The following CPED1 variants were observed in gnomAD, a reference collection of about 807,000 sequenced individuals.
CPED1 encodes cadherin like and PC-esterase domain containing 1, also known as cadherin-like and PC-esterase domain-containing protein 1.
CPED1 carries 114 observed loss-of-function variants against 128.2 expected under a neutral mutation model. The ratio of observed to expected loss-of-function variants is 0.89; its 90% CI spans 0.76 to 1.04. The LOEUF is 1.04. Ranked by LOEUF, CPED1 falls within the 50% of genes least tolerant of loss-of-function variation. The pLI, the probability that CPED1 is intolerant of heterozygous loss-of-function variation, is 0.00. For synonymous variants in CPED1, 462 were observed against 426.7 expected (o/e 1.08, Z -1.02); for missense variants, 1,211 against 1,207.1 (o/e 1.00, Z -0.05).
chr7:121,124,259 T>A (rs1187533743), intron 7 of CPED1, 72 bp from the exon 8 acceptor site: 1 of 1,392,692 alleles, frequency 7.2e-7, no homozygotes, highest in African/African-American at 1.4e-5. Flanking sequence ...ATCCTTCAAA[T>A]TGGTCACCTT....
chr7:121,252,074 C>T (rs1376043307), intron 18 of CPED1, among the ~76,000 whole-genome samples: 1 of 151,416 alleles, frequency 6.6e-6, no homozygotes, highest in Non-Finnish European at 1.5e-5. Flanking sequence ...TACTACAAGG[C>T]TACAGTAACC....
In CPED1 at chr7:121,295,914, A is replaced by G. The variant is rs893224240; in HGVS notation, c.*262A>G. The G allele has an allele frequency of 1.2e-5, 4 of 343,240 alleles. No homozygotes were observed. The highest frequency in any genetic ancestry group is 2.1e-5 in the Non-Finnish European group (4 of 186,680). The allele number at this position is 343,240 out of a possible 1,614,324, so 21.3% of individuals were successfully genotyped here. ...CTAGAGAAACGTTACTTGAAGCATA[A>G]TTATTAACCAGAACCACTGTGGGCC... On this transcript the variant is annotated 3_prime_UTR_variant, in exon 23 of 23. Transcript: ENST00000310396.
At chr7:121,178,953 A>G (rs1382933081) in intron 16 of CPED1, among the ~76,000 whole-genome samples, 3 of 152,082 alleles carry the variant, frequency 2.0e-5, no homozygotes, top group Non-Finnish European at 4.4e-5. Context: ...GATGCAGCAA[A>G]GAGGTCCAAG....
rs770598614 is a variant in CPED1 at position 121,130,286 on chromosome 7, A to G, written c.1569A>G (p.Pro523=). 32 of 1,597,748 alleles carry G rather than the reference A, an allele frequency of 2.0e-5. No individual in the cohort carries two copies. Among genetic ancestry groups the G allele is most frequent in the Non-Finnish European group, 2.6e-5 (30 of 1,174,458 alleles). ...QFMNKKTQPH[P]LEWNSFTEDK... ...TGAATAAAAAGACACAGCCACATCC[A>G]CTGGAATGGTAAGATAGCCACAAAT... Residue 523 remains proline, a synonymous_variant, in exon 12 of 23, where the codon CCA becomes CCG. Coordinates refer to ENST00000310396, the MANE Select transcript of CPED1 (RefSeq NM_024913.5).
At chr7:121,185,667 A>G (rs569924530) in intron 16 of CPED1, among the ~76,000 whole-genome samples, 4 of 152,294 alleles carry the variant, frequency 2.6e-5, no homozygotes, top group East Asian at 3.9e-4. Context: ...ACAAAGCACT[A>G]TAATTCGGGA....
At chr7:121,107,611 G>C (rs919114977) in intron 7 of CPED1, among the ~76,000 whole-genome samples, 1 of 152,080 alleles carries the variant, frequency 6.6e-6, no homozygotes, top group Non-Finnish European at 1.5e-5. Flanking sequence ...AGTAATAACA[G>C]TGAAAATAAT....
At chr7:121,097,363 C>T (rs949499689) in intron 5 of CPED1, among the ~76,000 whole-genome samples, 6 of 152,108 alleles carry the variant, frequency 3.9e-5, no homozygotes, top group African/African-American at 1.4e-4. Context: ...GCAGCCACCA[C>T]CCCCTCATTG....
At chr7:121,095,188 T>G (rs1714442001) in intron 5 of CPED1, among the ~76,000 whole-genome samples, 1 of 152,096 alleles carries the variant, frequency 6.6e-6, no homozygotes, top group Admixed American at 6.6e-5. Context: ...ATTTCTAGGC[T>G]CTTTGAGTGT....
intron 5 of CPED1, among the ~76,000 whole-genome samples, chr7:121,084,253 T>A (rs1290710828): frequency 6.6e-6 from 1 of 152,232 alleles, no homozygotes; most frequent in Non-Finnish European, 1.5e-5. Context: ...TGACACCTGG[T>A]TGATCCAGAA....
intron 16 of CPED1, among the ~76,000 whole-genome samples, chr7:121,175,081 A>G (rs1796744727): frequency 6.6e-6 from 1 of 152,114 alleles, no homozygotes; most frequent in South Asian, 2.1e-4. Flanking sequence ...GTATCCCAAG[A>G]CTTTGTTGAA....
At chr7:121,252,044 C>T (rs540889241) in intron 18 of CPED1, among the ~76,000 whole-genome samples, 223 of 151,350 alleles carry the variant, frequency 1.5e-3, no homozygotes, top group African/African-American at 5.1e-3. Flanking sequence ...GGAGGCATCA[C>T]GCTACCTGAC....
chr7:121,078,726 A>T (rs1794204212), intron 5 of CPED1, among the ~76,000 whole-genome samples: 1 of 152,148 alleles, frequency 6.6e-6, no homozygotes, highest in South Asian at 2.1e-4. Context: ...GGAGACCAAC[A>T]TGTGTCAACA....
Position 121,296,084 on chromosome 7 carries a change from G to A in CPED1, c.*432G>A, listed in dbSNP as rs937425224. On this transcript the variant is annotated 3_prime_UTR_variant, in exon 23 of 23. Coordinates refer to ENST00000310396, the MANE Select transcript of CPED1 (RefSeq NM_024913.5). ...AAAACCAATGACATTCCACTGGCAA[G>A]TAGAAGTTGTCCTTTCATTCTTTAC... is the stretch of plus-strand genomic sequence containing the variant. The A allele has an allele frequency of 1.3e-5, 2 of 153,778 alleles. No individual in the cohort carries two copies. Among genetic ancestry groups the A allele is most frequent in the African/African-American group, 4.8e-5 (2 of 41,466 alleles). The allele number at this position is 153,778 out of a possible 1,614,324, so 9.5% of individuals were successfully genotyped here.
At chr7:121,244,437 C>T in intron 18 of CPED1, 99 bp downstream of exon 18, 2 of 1,299,184 alleles carry the variant, frequency 1.5e-6, no homozygotes, top group Non-Finnish European at 2.2e-6. Context: ...TGCTGTCTCA[C>T]AGCAGAGGAA....
At chr7:121,000,833 A>G (rs1202124552) in intron 2 of CPED1, among the ~76,000 whole-genome samples, 1 of 152,184 alleles carries the variant, frequency 6.6e-6, no homozygotes, top group Non-Finnish European at 1.5e-5. Flanking sequence ...GCTATAGGAC[A>G]ACTGGTAAAT....
intron 18 of CPED1, among the ~76,000 whole-genome samples, chr7:121,256,883 C>T (rs1003533864): frequency 3.9e-5 from 6 of 151,960 alleles, no homozygotes; most frequent in Non-Finnish European, 8.8e-5. Flanking sequence ...TGGAATACTA[C>T]ACAGTCATAA....
intron 16 of CPED1, among the ~76,000 whole-genome samples, chr7:121,184,007 G>A (rs1563057635): frequency 6.6e-6 from 1 of 152,060 alleles, no homozygotes; most frequent in Non-Finnish European, 1.5e-5. Flanking sequence ...AGTCATGGTG[G>A]CACATGCCTG....
In CPED1 at chr7:121,128,393, T is replaced by C; in HGVS notation, c.1314T>C (p.Tyr438=). The C allele has an allele frequency of 6.3e-7, 1 of 1,581,192 alleles. No homozygotes were observed. Among genetic ancestry groups the C allele is most frequent in the South Asian group, 1.1e-5 (1 of 90,354 alleles). The change falls in exon 11 of 23, where the codon TAT becomes TAC. Residue 438 remains tyrosine, a synonymous_variant. Coordinates refer to ENST00000310396, the MANE Select transcript of CPED1 (RefSeq NM_024913.5). ...CCCTACCAATACAGGGTGAAAACTA[T>C]CAAAAGGAACTAAATCAGTGTCTGT... ...YRSDVFKGEN[Y]QKELNQCLSL...
chr7:121,124,587 AT>A, intron 8 of CPED1, 114 bp downstream of exon 8: 1 of 720,312 alleles, frequency 1.4e-6, no homozygotes, highest in Non-Finnish European at 2.1e-6. Context: ...TACTTGGAAA[AT>A]TTTATGTCAA....
Sources: gnomAD v4.1 joint callset for allele counts (sites outside exome capture counted in the v4.1 genomes callset) on GRCh38, gnomAD v4.1.1 for gene constraint, MANE v1.5 for transcripts, NCBI Gene and HGNC (gene_info 2026-07-23, HGNC 2026-07-21) for gene names.